The following PRUNE2 variants were observed in gnomAD, a reference collection of about 807,000 sequenced individuals.
PRUNE2 encodes the protein prune homolog 2 with BCH domain, also known as protein prune homolog 2.
Under a neutral mutation model 252.0 loss-of-function variants are expected in PRUNE2, and 164 were observed. The ratio of observed to expected loss-of-function variants is 0.65; its 90% CI spans 0.57 to 0.74. The LOEUF (loss-of-function observed/expected upper bound fraction) is 0.74. PRUNE2 is among the 30% of genes least tolerant of loss of function. The probability of loss-of-function intolerance (pLI) is 0.00; values close to 1 mark genes in which losing one functional copy is unlikely to be tolerated. For synonymous variants in PRUNE2, 1,292 were observed against 1,350.2 expected (o/e 0.96, Z 0.94); for missense variants, 3,495 against 3,711.0 (o/e 0.94, Z 1.51).
intron 9 of PRUNE2, chr9:76,693,123 G>T (rs2044961846): frequency 6.6e-6 from 1 of 152,018 alleles, no homozygotes. Flanking sequence ...CACAATTAAG[G>T]CAAACAAAGT....
intron 6 of PRUNE2, chr9:76,788,585 T>C: frequency 1.4e-6 from 1 of 704,998 alleles, no homozygotes. Context: ...AAGTATTGAA[T>C]AAATGCACAA....
chr9:76,708,642 C>T lies in PRUNE2; in HGVS notation c.3632G>A (p.Ser1211Asn), dbSNP rs746518947. 5.3e-5 allele frequency: 86 copies of T among 1,613,860 alleles called. No individual in the cohort carries two copies. The highest frequency in any genetic ancestry group is 7.1e-5 in the Non-Finnish European group (84 of 1,179,902). ...AATACTGTTTGCAATTAGCTGCCCA[C>T]TTTTCTCATTCAATGTGTGATGTTC... ...PSEHHTLNEK[S>N]GQLIANSIWD... The change falls in exon 8 of 19, where the codon AGT (serine) becomes AAT (asparagine). Residue 1211 changes from serine to asparagine, a missense_variant. By Grantham distance (46) the Ser-to-Asn change is conservative. Transcript: ENST00000376718.
intron 1 of PRUNE2, among the ~76,000 whole-genome samples, chr9:76,899,941 T>C (rs1399812973): frequency 2.0e-5 from 3 of 151,944 alleles, no homozygotes; most frequent in Admixed American, 6.6e-5. Context: ...CTAAGAACAA[T>C]GGAAAGTGAT....
Position 76,707,617 on chromosome 9 carries a change from A to G in PRUNE2, c.4657T>C (p.Ser1553Pro), listed in dbSNP as rs1241704422. 1 of 1,613,906 alleles carries G rather than the reference A, an allele frequency of 6.2e-7. No individual in the cohort carries two copies. The highest frequency in any genetic ancestry group is 1.7e-5 in the Admixed American group (1 of 60,012). ...SSASSPELND[S>P]SVALSSWGQQ... ...CCCCAGGAGGACAGTGCAACTGAAG[A>G]GTCATTTAACTCAGGACTTGATGCA... is the stretch of plus-strand genomic sequence containing the variant. The change falls in exon 8 of 19, where the codon TCT becomes CCT. Residue 1553 changes from serine (S) to proline (P), a missense_variant. Physicochemically the swap from Ser to Pro is moderately conservative, Grantham distance 74. Transcript: ENST00000376718.
rs1234734070 is a variant in PRUNE2 at position 76,612,086 on chromosome 9, A to G, written c.*2484T>C. On this transcript the variant is annotated 3_prime_UTR_variant, in exon 19 of 19. Coordinates refer to ENST00000376718, the MANE Select transcript of PRUNE2 (RefSeq NM_015225.3). ...TTCTATTTACTTGGGGTGAATGTAC[A>G]TGGTAGCTTTTCCCTAGCACATGCA... The G allele has an allele frequency of 6.6e-6, 1 of 152,298 alleles. No individual in the cohort carries two copies. Among genetic ancestry groups the G allele is most frequent in the Admixed American group, 6.5e-5 (1 of 15,280 alleles). 9.4% of individuals were successfully genotyped at this position (152,298 alleles called of 1,614,324 possible). A position where few individuals can be genotyped will look rare whatever the true frequency, so the allele number is the denominator to read the frequency against.
chr9:76,779,232 CTTTTT>C (rs5898506), intron 6 of PRUNE2, among the ~76,000 whole-genome samples: 1 of 144,854 alleles, frequency 6.9e-6, no homozygotes, highest in African/African-American at 2.5e-5. Flanking sequence ...AAAACTTAGA[CTTTTT>C]TTTTTTTTTG....
chr9:76,627,495 G>A (rs1835444561), intron 16 of PRUNE2, among the ~76,000 whole-genome samples: 1 of 152,054 alleles, frequency 6.6e-6, no homozygotes, highest in African/African-American at 2.4e-5. Flanking sequence ...GAGCTATGAG[G>A]TATGCTGGTT....
intron 7 of PRUNE2, among the ~76,000 whole-genome samples, chr9:76,713,245 G>C (rs1185348141): frequency 6.6e-6 from 1 of 152,128 alleles, no homozygotes; most frequent in East Asian, 1.9e-4. Context: ...TGGGACAGGG[G>C]CTAAACCTTG....
In PRUNE2 at chr9:76,749,977, G is replaced by A. The variant is rs543943509; in HGVS notation, c.757-36256C>T. 7.2e-5 allele frequency among the ~76,000 whole-genome samples: 11 copies of A among 152,120 alleles called. No homozygotes were observed. In the East Asian group the frequency reaches 1.5e-3, roughly 21 times the overall value. ...TTAGAATTTCCCGGGTGATAGGAGC[G>A]TCTTTTTGTTCTAATGAGATGACAC... On this transcript the variant is annotated intron_variant, in intron 6 of 18. Coordinates refer to ENST00000376718, the MANE Select transcript of PRUNE2 (RefSeq NM_015225.3).
chr9:76,865,044 T>C (rs2060758515), intron 1 of PRUNE2, among the ~76,000 whole-genome samples: 1 of 152,226 alleles, frequency 6.6e-6, no homozygotes, highest in African/African-American at 2.4e-5. Context: ...TTATGTTATT[T>C]AGATTTGCTG....
chr9:76,696,485 G>T (rs2045396255), intron 9 of PRUNE2, among the ~76,000 whole-genome samples: 1 of 152,120 alleles, frequency 6.6e-6, no homozygotes, highest in African/African-American at 2.4e-5. Flanking sequence ...GAGTGCAATG[G>T]CATGATCTCG....
At chr9:76,645,805 A>G (rs1045640692) in intron 11 of PRUNE2, among the ~76,000 whole-genome samples, 1 of 152,230 alleles carries the variant, frequency 6.6e-6, no homozygotes, top group Non-Finnish European at 1.5e-5. Context: ...AGACATTATC[A>G]TTCTTATTTT....
chr9:76,710,425 C>T lies in PRUNE2; in HGVS notation c.1849G>A (p.Val617Ile). 6.2e-7 allele frequency: 1 copy of T among 1,613,990 alleles called. No homozygotes were observed. The highest frequency in any genetic ancestry group is 1.6e-4 in the Middle Eastern group (1 of 6,062). Residue 617 changes from valine (V) to isoleucine (I), a missense_variant, in exon 8 of 19, where the codon GTA (valine) becomes ATA (isoleucine). Val to Ile is a conservative substitution (Grantham distance 29). Coordinates refer to ENST00000376718, the MANE Select transcript of PRUNE2 (RefSeq NM_015225.3). Reference protein sequence around the residue: ...RIPPTPMNSLVESSPSTEEPA... With the variant: ...RIPPTPMNSLIESSPSTEEPA... ...TCTTCAGTGGATGGCGAGCTTTCTA[C>T]TAAACTATTCATGGGTGTTGGTGGG...
At chr9:76,665,436 C>T (rs1419599532) in intron 9 of PRUNE2, among the ~76,000 whole-genome samples, 11 of 152,092 alleles carry the variant, frequency 7.2e-5, no homozygotes, top group African/African-American at 1.4e-4. Flanking sequence ...ACCTCACCTC[C>T]TCCCCACAGA....
At chr9:76,662,621 T>C (rs2039319292) in intron 9 of PRUNE2, among the ~76,000 whole-genome samples, 1 of 152,220 alleles carries the variant, frequency 6.6e-6, no homozygotes, top group African/African-American at 2.4e-5. Context: ...GTAGCATTTC[T>C]AGATGGTAAT....
In PRUNE2 at chr9:76,706,724, G is replaced by A; in HGVS notation, c.5550C>T (p.Asp1850=). 1 of 1,613,168 alleles carries A rather than the reference G, an allele frequency of 6.2e-7. No homozygotes were observed. Among genetic ancestry groups the A allele is most frequent in the Non-Finnish European group, 8.5e-7 (1 of 1,179,510 alleles). Residue 1850 remains aspartate (D), a synonymous_variant, in exon 8 of 19, where the codon GAC becomes GAT. Transcript: ENST00000376718. ...AATTTATCTCCAACACACCACTGGAGTCAGACAGCTCCCTTTCAAATGGAC... is the reference window on the plus strand; with the variant it reads ...AATTTATCTCCAACACACCACTGGAATCAGACAGCTCCCTTTCAAATGGAC... ...IESPFERELS[D]SSGVLEINSS...
At chr9:76,624,591 A>G in intron 16 of PRUNE2, 101 bp from the exon 17 acceptor site, 1 of 798,442 alleles carries the variant, frequency 1.3e-6, no homozygotes, top group Non-Finnish European at 1.8e-6. Context: ...AAAGTGGTGC[A>G]TATGTGCTTT....
At chr9:76,700,219 G>C (rs2134682811) in intron 9 of PRUNE2, 1 of 152,338 alleles carries the variant, frequency 6.6e-6, no homozygotes, top group African/African-American at 2.4e-5. Flanking sequence ...AGCTAAGAGA[G>C]GCTGAGGCTG....
chr9:76,858,758 T>G, intron 1 of PRUNE2, among the ~76,000 whole-genome samples: 1 of 123,392 alleles, frequency 8.1e-6, no homozygotes, highest in East Asian at 2.3e-4. Context: ...AAGGTATAAT[T>G]AAAAAAAAAA....
Sources: gnomAD v4.1 joint callset for allele counts (sites outside exome capture counted in the v4.1 genomes callset) on GRCh38, gnomAD v4.1.1 for gene constraint, MANE v1.5 for transcripts, NCBI Gene and HGNC (gene_info 2026-07-23, HGNC 2026-07-21) for gene names.